ENPEP: variants seen among roughly 807,000 people sequenced by gnomAD.
ENPEP encodes the protein glutamyl aminopeptidase.
In ENPEP, 103 loss-of-function variants were observed where a neutral mutation model predicts 114.5. That is an observed-to-expected ratio of 0.90 (90% CI 0.77 to 1.06). The LOEUF is 1.06. ENPEP is among the 50% of genes least tolerant of loss of function. ENPEP has a pLI of 0.00. For synonymous variants in ENPEP, 420 were observed against 422.0 expected (o/e 1.00, Z 0.06); for missense variants, 1,196 against 1,161.3 (o/e 1.03, Z -0.43).
Position 110,549,582 on chromosome 4 carries a change from C to T in ENPEP, c.2280C>T (p.Ala760=), listed in dbSNP as rs1440454935. ...GFACKMGDRE[A]LNNASSLFEQ... is the part of the protein sequence containing the mutation. The stretch of plus-strand genomic sequence containing the variant: ...CGTGCAAGATGGGAGACAGAGAAGC[C>T]TTGAACAATGCTTCCTCGTTATTTG... Residue 760 remains alanine, a synonymous_variant, in exon 16 of 20, where the codon GCC becomes GCT. Transcript: ENST00000265162. 4 of 1,613,536 alleles carry T rather than the reference C, an allele frequency of 2.5e-6. No homozygotes were observed. The highest frequency in any genetic ancestry group is 2.5e-6 in the Non-Finnish European group (3 of 1,179,716).
intron 1 of ENPEP, among the ~76,000 whole-genome samples, chr4:110,479,675 C>A (rs1724240382): frequency 1.3e-5 from 2 of 152,138 alleles, no homozygotes; most frequent in South Asian, 4.1e-4. Flanking sequence ...GAGGGAAGGG[C>A]AATATTCTGA....
Position 110,515,536 on chromosome 4 carries a change from CT to C in ENPEP, c.1509+99del, listed in dbSNP as rs1578403469. On this transcript the variant is annotated intron_variant, in intron 8 of 19. Transcript: ENST00000265162. ...TATGTGATTAATCAAGGATAATTTC[CT>C]TTTTAATCTCTTTACTGAGGCATAG... is the stretch of plus-strand genomic sequence containing the variant. 8 of 1,062,516 alleles carry C rather than the reference CT, an allele frequency of 7.5e-6. No homozygotes were observed. The East Asian group carries it at 1.4e-4, about 19-fold the overall frequency. 65.8% of individuals were successfully genotyped at this position (1,062,516 alleles called of 1,614,324 possible).
chr4:110,506,578 T>C (rs1725375476), intron 3 of ENPEP, 59 bp from the exon 4 acceptor site: 2 of 1,533,948 alleles, frequency 1.3e-6, no homozygotes, highest in East Asian at 4.7e-5. Context: ...CATCACAGTT[T>C]TTGTATTTTG....
chr4:110,516,322 C>A (rs1725767041), intron 8 of ENPEP, among the ~76,000 whole-genome samples: 1 of 152,042 alleles, frequency 6.6e-6, no homozygotes, highest in African/African-American at 2.4e-5. Flanking sequence ...TCTAACAGAC[C>A]CTAAGCCAAT....
At chr4:110,514,193 T>C (rs1335039317) in intron 7 of ENPEP, among the ~76,000 whole-genome samples, 4 of 152,116 alleles carry the variant, frequency 2.6e-5, no homozygotes, top group African/African-American at 9.6e-5. Context: ...ATTTTAGTCA[T>C]TTTCTACTTC....
chr4:110,511,293 A>G lies in ENPEP; in HGVS notation c.1308+935A>G, dbSNP rs191336855. ...ATTTTTTTCAACTATGGAACTATTG[A>G]CATTTTGGAGTAGATAATTCTTTTT... is the stretch of plus-strand genomic sequence containing the variant. On this transcript the variant is annotated intron_variant, in intron 6 of 19. Transcript: ENST00000265162. 1.3e-4 allele frequency among the ~76,000 whole-genome samples: 20 copies of G among 152,328 alleles called. No individual in the cohort carries two copies. In the East Asian group the frequency reaches 3.7e-3, roughly 28 times the overall value.
intron 11 of ENPEP, among the ~76,000 whole-genome samples, chr4:110,532,193 G>T (rs192111583): frequency 3.9e-5 from 6 of 152,122 alleles, no homozygotes; most frequent in Admixed American, 3.9e-4. Context: ...GTGTTTTTTA[G>T]TGTATTCACA....
chr4:110,515,724 A>AGCTT, intron 8 of ENPEP: 1 of 522,498 alleles, frequency 1.9e-6, no homozygotes, highest in Non-Finnish European at 3.7e-6. Context: ...GGCTGCCATA[A>AGCTT]GGAAATACCA....
chr4:110,529,266 A>G (rs1726312468), intron 10 of ENPEP, among the ~76,000 whole-genome samples: 2 of 152,186 alleles, frequency 1.3e-5, no homozygotes, highest in East Asian at 1.9e-4. Context: ...GTGAGTTTAC[A>G]TGGCAGCACC....
At chr4:110,490,196 T>G (rs1162924723) in intron 2 of ENPEP, among the ~76,000 whole-genome samples, 2 of 152,136 alleles carry the variant, frequency 1.3e-5, no homozygotes, top group East Asian at 3.9e-4. Context: ...AGGAGAATAT[T>G]CTGGGTTCTT....
In ENPEP at chr4:110,548,301, A is replaced by T; in HGVS notation, c.2126A>T (p.Asp709Val). The T allele has an allele frequency of 6.2e-7, 1 of 1,602,772 alleles. No individual in the cohort carries two copies. The highest frequency in any genetic ancestry group is 2.3e-5 in the East Asian group (1 of 44,412). ...TACATCATTAGCATGTTTGAAGATGATAAAGAGCTATATCCTATGATTGAG... is the reference window on the plus strand; with the variant it reads ...TACATCATTAGCATGTTTGAAGATGTTAAAGAGCTATATCCTATGATTGAG... The part of the protein sequence containing the change: ...VTYIISMFED[D>V]KELYPMIEEY... The change falls in exon 14 of 20, where the codon GAT becomes GTT. Residue 709 changes from aspartate to valine, a missense_variant. Transcript: ENST00000265162.
At chr4:110,525,343 G>GAGTGGATACTGGCAGCGT (rs1726155111) in intron 10 of ENPEP, among the ~76,000 whole-genome samples, 2 of 152,190 alleles carry the variant, frequency 1.3e-5, no homozygotes, top group Admixed American at 6.5e-5. Flanking sequence ...TTACCCAGCT[G>GAGTGGATACTGGCAGCGT]AGCCCCTCCT....
rs1359035144 is a variant in ENPEP, at chr4:110,563,636, TA to T, written c.*2081del. The T allele has an allele frequency of 6.6e-6, 1 of 152,144 alleles. No individual in the cohort carries two copies. The highest frequency in any genetic ancestry group is 1.5e-5 in the Non-Finnish European group (1 of 68,010). The allele number at this position is 152,144 out of a possible 1,614,324, so 9.4% of individuals were successfully genotyped here. A position where few individuals can be genotyped will look rare whatever the true frequency, so the allele number is the denominator to read the frequency against. On this transcript the variant is annotated 3_prime_UTR_variant, in exon 20 of 20. Coordinates refer to ENST00000265162, the MANE Select transcript of ENPEP (RefSeq NM_001977.4). The stretch of plus-strand genomic sequence containing the variant: ...TGATGTTTCCAAAATTAAGCCACAG[TA>T]AATTTAAATAATTAATTTTAATTGA...
intron 13 of ENPEP, among the ~76,000 whole-genome samples, chr4:110,547,804 A>G (rs1163232999): frequency 6.6e-6 from 1 of 152,066 alleles, no homozygotes; most frequent in Admixed American, 6.6e-5. Flanking sequence ...CATTTATAGT[A>G]GTGCCTTTAT....
chr4:110,492,534 C>T (rs987568040), intron 3 of ENPEP, among the ~76,000 whole-genome samples: 1 of 152,102 alleles, frequency 6.6e-6, no homozygotes, highest in Non-Finnish European at 1.5e-5. Context: ...CAAATTATAG[C>T]GAGTGGGGGA....
intron 11 of ENPEP, chr4:110,533,206 C>A: frequency 3.2e-6 from 1 of 313,164 alleles, no homozygotes; most frequent in East Asian, 8.1e-5. Context: ...AATGAAGTTT[C>A]CATACAAGTG....
In ENPEP at chr4:110,520,326, G is replaced by A. The variant is rs1255131733; in HGVS notation, c.1687G>A (p.Asp563Asn). The change falls in exon 10 of 20, where the codon GAC becomes AAC. Residue 563 changes from aspartate to asparagine, a missense_variant. By Grantham distance (23) the Asp-to-Asn change is conservative. Transcript: ENST00000265162. ...CATCACACAGAAACGCTTTTTGTTG[G>A]ACCCAAGAGCTAACCCTTCTCAGCC... is the stretch of plus-strand genomic sequence containing the variant. ...KNITQKRFLL[D>N]PRANPSQPPS... The A allele has an allele frequency of 6.2e-7, 1 of 1,614,000 alleles. No individual in the cohort carries two copies. Among genetic ancestry groups the A allele is most frequent in the Admixed American group, 1.7e-5 (1 of 60,006 alleles).
intron 13 of ENPEP, among the ~76,000 whole-genome samples, chr4:110,545,526 GCTTGGAA>G (rs1394758589): frequency 6.6e-6 from 1 of 151,968 alleles, no homozygotes. Context: ...TCGTTTCTCT[GCTTGGAA>G]CTTCTATGTC....
intron 1 of ENPEP, 107 bp downstream of exon 1, chr4:110,477,165 T>C (rs1724145703): frequency 2.1e-6 from 3 of 1,404,198 alleles, no homozygotes; most frequent in African/African-American, 2.9e-5. Flanking sequence ...TGGTCTGATA[T>C]TGATCGGCTC....
Sources: allele counts gnomAD v4.1 joint callset (sites outside exome capture counted in the v4.1 genomes callset), GRCh38; gene constraint gnomAD v4.1.1; transcripts MANE v1.5; gene names NCBI Gene and HGNC (gene_info 2026-07-23, HGNC 2026-07-21).